CACNA1G: variants seen among roughly 807,000 people sequenced by gnomAD.
The protein encoded by CACNA1G is voltage-dependent T-type calcium channel subunit alpha-1G.
CACNA1G carries 67 observed loss-of-function variants against 219.4 expected under a neutral mutation model. The observed-to-expected ratio is 0.31, with a 90% CI of 0.25 to 0.37. CACNA1G has a LOEUF of 0.37. Among genes scored for constraint, CACNA1G ranks in the 10% least tolerant of loss-of-function variants. The probability of loss-of-function intolerance (pLI) is 1.00; values close to 1 mark genes in which losing one functional copy is unlikely to be tolerated. For missense variants in CACNA1G, 2,380 were observed against 3,231.4 expected, an observed-to-expected ratio of 0.74 and a Z score of 6.39; for synonymous variants, 1,296 against 1,345.3, an observed-to-expected ratio of 0.96 and a Z score of 0.80.
intron 1 of CACNA1G, among the ~76,000 whole-genome samples, chr17:50,562,918 C>T (rs188819214): frequency 1.6e-4 from 24 of 152,116 alleles, no homozygotes; most frequent in Admixed American, 3.9e-4. Context: ...AGCTCCCTGG[C>T]GGGTCCTGCC....
At chr17:50,609,410 C>T (rs2048693712) in intron 25 of CACNA1G, among the ~76,000 whole-genome samples, 1 of 152,188 alleles carries the variant, frequency 6.6e-6, no homozygotes, top group Non-Finnish European at 1.5e-5. Flanking sequence ...GTTCGGCTTC[C>T]CTGTGGATAT....
intron 20 of CACNA1G, 62 bp downstream of exon 20, chr17:50,602,950 G>A (rs908079124): frequency 1.2e-5 from 20 of 1,612,036 alleles, no homozygotes; most frequent in Non-Finnish European, 1.7e-5. Context: ...GACAGCTTGG[G>A]CTGAGGGTGG....
chr17:50,622,219 C>T (rs1022079005), intron 35 of CACNA1G, among the ~76,000 whole-genome samples: 38 of 147,918 alleles, frequency 2.6e-4, no homozygotes, highest in African/African-American at 8.2e-4. Flanking sequence ...CTTCACACCA[C>T]GTGGTGGGTG....
Position 50,609,952 on chromosome 17 carries a change from G to A in CACNA1G, c.4759+17G>A. 6.2e-7 allele frequency: 1 copy of A among 1,606,500 alleles called. No homozygotes were observed. Among genetic ancestry groups the A allele is most frequent in the South Asian group, 1.1e-5 (1 of 91,020 alleles). On this transcript the variant is annotated intron_variant, in intron 26 of 37. Transcript: ENST00000359106. ...CTGCGTCAGGTACTGCGTCTGGGGT[G>A]TGGGCTCATGCGTGTGGGGACATGC...
At chr17:50,586,747 C>T (rs141866700) in intron 9 of CACNA1G, among the ~76,000 whole-genome samples, 1 of 152,354 alleles carries the variant, frequency 6.6e-6, no homozygotes, top group African/African-American at 2.4e-5. Context: ...GAGTTGGTGG[C>T]ACCTTTCTAA....
intron 23 of CACNA1G, 84 bp downstream of exon 23, chr17:50,606,107 C>A: frequency 1.3e-6 from 2 of 1,563,794 alleles, no homozygotes; most frequent in Non-Finnish European, 1.8e-6. Context: ...CTGCTGACTC[C>A]GGTGGAGGTG....
At position 50,578,983 on chromosome 17, in the gene CACNA1G, G is replaced by A. The variant is rs948847409; in HGVS notation, c.2301+419G>A. On this transcript the variant is annotated intron_variant, in intron 9 of 37. Coordinates refer to ENST00000359106, the MANE Select transcript of CACNA1G (RefSeq NM_018896.5). This position sits in a 1 kb window ranked among gnomAD's most constrained non-coding sequence, Gnocchi z 4.5. Reference sequence around the variant, plus strand: ...CCACTAAGTCCGGGTGTGACTGATTGGAGGCAGGAGGGGCCATGTAAACAG... The same window carrying A: ...CCACTAAGTCCGGGTGTGACTGATTAGAGGCAGGAGGGGCCATGTAAACAG... 6.6e-6 allele frequency among the ~76,000 whole-genome samples: 1 copy of A among 152,116 alleles called. No individual in the cohort carries two copies. The highest frequency in any genetic ancestry group is 1.5e-5 in the Non-Finnish European group (1 of 68,030).
At chr17:50,580,418 G>C (rs2041698701) in intron 9 of CACNA1G, among the ~76,000 whole-genome samples, 1 of 152,072 alleles carries the variant, frequency 6.6e-6, no homozygotes, top group East Asian at 1.9e-4. Flanking sequence ...CCTCCCCAGT[G>C]CCCCCTCCCT....
In CACNA1G at chr17:50,571,855, C is replaced by T. The variant is rs369284575; in HGVS notation, c.587-23C>T. 6.2e-6 allele frequency: 10 copies of T among 1,612,118 alleles called. No homozygotes were observed. The African/African-American group carries it at 1.1e-4, about 17-fold the overall frequency. On this transcript the variant is annotated intron_variant, in intron 4 of 37. Transcript: ENST00000359106. This position sits in a 1 kb window ranked among gnomAD's most constrained non-coding sequence, Gnocchi z 4.3. Reference sequence around the variant, plus strand: ...CCTAGCCCGGCCAGCCTGGTGTCCCCAGCGTGGCTTCTGCCCCCACAGGCA... The same window carrying T: ...CCTAGCCCGGCCAGCCTGGTGTCCCTAGCGTGGCTTCTGCCCCCACAGGCA...
chr17:50,609,179 G>C (rs558120114), intron 25 of CACNA1G, among the ~76,000 whole-genome samples: 1 of 152,064 alleles, frequency 6.6e-6, no homozygotes, highest in Non-Finnish European at 1.5e-5. Flanking sequence ...TATCTCCCTC[G>C]GCCTGGGAGT....
At chr17:50,592,241 A>C in intron 13 of CACNA1G, 149 bp downstream of exon 13, 1 of 782,222 alleles carries the variant, frequency 1.3e-6, no homozygotes, top group South Asian at 1.9e-5. Flanking sequence ...GGGGTGGACC[A>C]GGGCGGGAGG....
In CACNA1G at chr17:50,596,734, G is replaced by C. The variant is rs2045632512; in HGVS notation, c.3069G>C (p.Val1023=). ...TCTCCCTCTCTCCCCGTGCAGTGGT[G>C]TCCCTGGGAGAGCACCCGGAGCTGC... ...DGDRKKCLAL[V]SLGEHPELRK... is the part of the protein sequence containing the mutation. Residue 1023 remains valine (V), a synonymous_variant, in exon 16 of 38, where the codon GTG becomes GTC. Transcript: ENST00000359106. The surrounding 1 kb of genome is among the most constrained non-coding windows in gnomAD (Gnocchi z 4.8). 1.9e-6 allele frequency: 3 copies of C among 1,613,622 alleles called. No individual in the cohort carries two copies. Among genetic ancestry groups the C allele is most frequent in the Non-Finnish European group, 2.5e-6 (3 of 1,179,814 alleles).
Position 50,621,880 on chromosome 17 carries a change from G to C in CACNA1G, c.6060+86G>C. On this transcript the variant is annotated intron_variant, in intron 35 of 37. Transcript: ENST00000359106. This position sits in a 1 kb window ranked among gnomAD's most constrained non-coding sequence, Gnocchi z 4.6. ...TCCAGATCGGCCCAGGGAGGGTCCT[G>C]GGGCCGCCTCCTCTCAGTTTGCTGC... is the stretch of plus-strand genomic sequence containing the variant. 5 of 1,454,746 alleles carry C rather than the reference G, an allele frequency of 3.4e-6. No individual in the cohort carries two copies. Among genetic ancestry groups the C allele is most frequent in the Non-Finnish European group, 3.8e-6 (4 of 1,055,958 alleles). 90.1% of individuals were successfully genotyped at this position (1,454,746 alleles called of 1,614,324 possible). A position where few individuals can be genotyped will look rare whatever the true frequency, so the allele number is the denominator to read the frequency against.
In CACNA1G at chr17:50,569,698, C is replaced by T; in HGVS notation, c.489-8C>T. 4 of 1,546,736 alleles carry T rather than the reference C, an allele frequency of 2.6e-6. No individual in the cohort carries two copies. The highest frequency in any genetic ancestry group is 3.5e-6 in the Non-Finnish European group (4 of 1,144,174). On this transcript the variant is annotated splice_region_variant and splice_polypyrimidine_tract_variant and intron_variant, in intron 3 of 37. Coordinates refer to ENST00000359106, the MANE Select transcript of CACNA1G (RefSeq NM_018896.5). ...TCAAAGGGCCTCCCTTTGGGCCCCT[C>T]CCTGCAGGATGCTGGAGTACTCGCT...
chr17:50,621,497 G>A lies in CACNA1G; in HGVS notation c.5926-163G>A, dbSNP rs570627769. 2.6e-5 allele frequency among the ~76,000 whole-genome samples: 4 copies of A among 152,280 alleles called. No homozygotes were observed. The highest frequency in any genetic ancestry group is 5.9e-5 in the Non-Finnish European group (4 of 68,004). On this transcript the variant is annotated intron_variant, in intron 34 of 37. Coordinates refer to ENST00000359106, the MANE Select transcript of CACNA1G (RefSeq NM_018896.5). The surrounding 1 kb of genome is among the most constrained non-coding windows in gnomAD (Gnocchi z 4.6). ...GGGTGCGGGGAGGCACTGTCAGCTTGTTTGGGGAAAGGGTGGGGAGAGAGA... is the reference window on the plus strand; with the variant it reads ...GGGTGCGGGGAGGCACTGTCAGCTTATTTGGGGAAAGGGTGGGGAGAGAGA...
At chr17:50,624,324 T>TCCCCCCCCCCCCCCCCCCCCGCCCCCC in intron 36 of CACNA1G, 36 bp from the exon 37 acceptor site, 1 of 1,177,658 alleles carries the variant, frequency 8.5e-7, no homozygotes, top group Non-Finnish European at 1.2e-6. Context: ...CTCCATTCTC[T>TCCCCCCCCCCCCCCCCCCCCGCCCCCC]CCCCCCACCC....
chr17:50,618,795 G>C lies in CACNA1G; in HGVS notation c.5568G>C (p.Glu1856Asp), dbSNP rs761270153. The change falls in exon 33 of 38, where the codon GAG (glutamate) becomes GAC (aspartate). Residue 1856 changes from glutamate to aspartate, a missense_variant. By Grantham distance (45) the Glu-to-Asp change is conservative. This residue lies in a region of CACNA1G where 33 missense variants were observed against 70.2 expected (regional missense o/e 0.47). Coordinates refer to ENST00000359106, the MANE Select transcript of CACNA1G (RefSeq NM_018896.5). The surrounding 1 kb of genome is among the most constrained non-coding windows in gnomAD (Gnocchi z 5.3). ...CCGTGCTGATGAAGCACCTGGAGGA[G>C]AGCAACAAGGAGGCCAAGGAGGAGG... ...VIAVLMKHLEESNKEAKEEAE... is the reference protein window; with the variant it reads ...VIAVLMKHLEDSNKEAKEEAE... 3.7e-6 allele frequency: 6 copies of C among 1,614,022 alleles called. No homozygotes were observed. The highest frequency in any genetic ancestry group is 3.3e-5 in the Admixed American group (2 of 60,030).
chr17:50,589,912 C>CTGTGTG lies in CACNA1G; in HGVS notation c.2302-527_2302-522dup, dbSNP rs58484176. Among the ~76,000 whole-genome samples the CTGTGTG allele has an allele frequency of 1.7e-3, 237 of 141,910 alleles. 2 individuals are homozygous for CTGTGTG. The highest frequency in any genetic ancestry group is 6.4e-3 in the South Asian group (29 of 4,504). The allele number at this position is 141,910 out of a possible 152,430, so 93.1% of individuals were successfully genotyped here. On this transcript the variant is annotated intron_variant, in intron 9 of 37. Coordinates refer to ENST00000359106, the MANE Select transcript of CACNA1G (RefSeq NM_018896.5). ...TGCATTTTTCTCTCTCTCTCTCTCT[C>CTGTGTG]TGTGTGTGTGTGTGTGTGTGTGTGT...
Position 50,626,501 on chromosome 17 carries a change from T to C in CACNA1G, c.6884T>C (p.Leu2295Pro), listed in dbSNP as rs1319486355. The C allele has an allele frequency of 3.8e-6, 6 of 1,584,296 alleles. No individual in the cohort carries two copies. Among genetic ancestry groups the C allele is most frequent in the Admixed American group, 1.8e-5 (1 of 55,324 alleles). Residue 2295 changes from leucine to proline, a missense_variant, in exon 38 of 38, where the codon CTT becomes CCT. This residue lies in a region of CACNA1G where 672 missense variants were observed against 670.5 expected (regional missense o/e 1.00). Transcript: ENST00000359106. The surrounding 1 kb of genome is among the most constrained non-coding windows in gnomAD (Gnocchi z 4.3). ...TDPSNLGGQP[L>P]GGPGSRPKKK... ...CCCTCTAACCTTGGGGGCCAGCCTC[T>C]TGGGGGGCCTGGGAGCCGGCCCAAG... is the stretch of plus-strand genomic sequence containing the variant.
Sources: gnomAD v4.1 joint callset for allele counts (sites outside exome capture counted in the v4.1 genomes callset) on GRCh38, gnomAD v4.1.1 for gene constraint, gnomAD v4.1.1 regional missense constraint, Gnocchi (gnomAD v3.1) non-coding constraint, MANE v1.5 for transcripts, NCBI Gene and HGNC (gene_info 2026-07-23, HGNC 2026-07-21) for gene names.